Variants in NEK10 observed in about 807,000 individuals in gnomAD.
NEK10 encodes serine/threonine-protein kinase Nek10.
In NEK10, 122 loss-of-function variants were observed where a neutral mutation model predicts 159.8. The ratio of observed to expected loss-of-function variants is 0.76; its 90% CI spans 0.66 to 0.89. The LOEUF (loss-of-function observed/expected upper bound fraction) is 0.89, where lower values mean the gene tolerates loss of function less well. Ranked by LOEUF, NEK10 falls within the 40% of genes least tolerant of loss-of-function variation. NEK10 has a pLI of 0.00. For synonymous variants in NEK10, 466 were observed against 457.1 expected, an observed-to-expected ratio of 1.02 and a Z score of -0.25; for missense variants, 1,342 against 1,323.1, an observed-to-expected ratio of 1.01 and a Z score of -0.22.
At chr3:27,313,717 C>G (rs767524194) in intron 7 of NEK10, among the ~76,000 whole-genome samples, 2 of 152,056 alleles carry the variant, frequency 1.3e-5, no homozygotes, top group African/African-American at 4.8e-5. Context: ...AGCCATCGCC[C>G]CTTTTGTTGT....
chr3:27,307,390 G>A (rs2044325578), intron 11 of NEK10, among the ~76,000 whole-genome samples: 1 of 152,212 alleles, frequency 6.6e-6, no homozygotes, highest in Non-Finnish European at 1.5e-5. Flanking sequence ...TGCAGTTCAA[G>A]TAAAAATGAA....
intron 22 of NEK10, among the ~76,000 whole-genome samples, chr3:27,261,130 T>C (rs1433886987): frequency 6.6e-6 from 1 of 152,180 alleles, no homozygotes; most frequent in African/African-American, 2.4e-5. Flanking sequence ...TTATTAGTCT[T>C]GCTAGCAGTC....
chr3:27,228,616 T>G (rs1952887446), intron 23 of NEK10, among the ~76,000 whole-genome samples: 1 of 152,114 alleles, frequency 6.6e-6, no homozygotes, highest in South Asian at 2.1e-4. Flanking sequence ...AGCAGGTTGT[T>G]TCAGATGAGA....
In NEK10 at chr3:27,276,542, A is replaced by T. The variant is rs534077202; in HGVS notation, c.2014+8060T>A. On this transcript the variant is annotated intron_variant, in intron 22 of 35. Coordinates refer to ENST00000691995, the MANE Select transcript of NEK10 (RefSeq NM_001394966.1). ...AGAAAGGGCTTTGGGTGCCATAAGG[A>T]AACTAAACTTTATCTTAAATATTAT... Among the ~76,000 whole-genome samples the T allele has an allele frequency of 8.5e-5, 13 of 152,308 alleles. No individual in the cohort carries two copies. The South Asian group carries it at 2.7e-3, about 32-fold the overall frequency.
chr3:27,263,273 C>T (rs1430837400), intron 22 of NEK10, among the ~76,000 whole-genome samples: 3 of 152,212 alleles, frequency 2.0e-5, no homozygotes, highest in Non-Finnish European at 4.4e-5. Flanking sequence ...CAGGGACCCA[C>T]TTGAGGAGAC....
chr3:27,268,469 A>G (rs1333749895), intron 22 of NEK10, among the ~76,000 whole-genome samples: 1 of 152,198 alleles, frequency 6.6e-6, no homozygotes, highest in Non-Finnish European at 1.5e-5. Context: ...ATGCTTATTG[A>G]CCATTCTGAA....
At chr3:27,354,566 G>A (rs988555215) in intron 1 of NEK10, among the ~76,000 whole-genome samples, 11 of 152,044 alleles carry the variant, frequency 7.2e-5, no homozygotes, top group Admixed American at 1.3e-4. Context: ...TGAGAAGTTG[G>A]GAATGCTTTA....
At chr3:27,161,649 G>C (rs1174769843) in intron 30 of NEK10, among the ~76,000 whole-genome samples, 2 of 152,100 alleles carry the variant, frequency 1.3e-5, no homozygotes, top group Non-Finnish European at 2.9e-5. Flanking sequence ...GATGGACTTT[G>C]GTCCTCTTTC....
Position 27,205,759 on chromosome 3 carries a change from A to G in NEK10, c.2091-3202T>C, listed in dbSNP as rs866515418. Among the ~76,000 whole-genome samples the G allele has an allele frequency of 2.8e-4, 37 of 134,304 alleles. No homozygotes were observed. The South Asian group carries it at 7.5e-3, about 27-fold the overall frequency. The allele number at this position is 134,304 out of a possible 152,430, so 88.1% of individuals were successfully genotyped here. ...AGACCTAAAACCATAAAAACCCTAG[A>G]AGAAAACCTAGGCATTACCATTCAG... On this transcript the variant is annotated intron_variant, in intron 23 of 35. Coordinates refer to ENST00000691995, the MANE Select transcript of NEK10 (RefSeq NM_001394966.1).
Position 27,297,210 on chromosome 3 carries a change from A to G in NEK10, c.1199T>C (p.Leu400Pro). The G allele has an allele frequency of 6.2e-7, 1 of 1,613,302 alleles. No homozygotes were observed. The highest frequency in any genetic ancestry group is 1.1e-5 in the South Asian group (1 of 91,058). ...CACCTGGTGGGCATTGGTGTCATTG[A>G]GCACCAGCTCAGTGAGGGCAGCACA... ...ACCAALTELV[L>P]NDTNAHQVVQ... Residue 400 changes from leucine to proline, a missense_variant, in exon 14 of 36, where the codon CTC becomes CCC. Coordinates refer to ENST00000691995, the MANE Select transcript of NEK10 (RefSeq NM_001394966.1).
At chr3:27,236,844 CA>C (rs1478784697) in intron 23 of NEK10, among the ~76,000 whole-genome samples, 1 of 152,114 alleles carries the variant, frequency 6.6e-6, no homozygotes, top group Non-Finnish European at 1.5e-5. Flanking sequence ...ACATCTTAAA[CA>C]ACAGAAAACA....
intron 23 of NEK10, among the ~76,000 whole-genome samples, chr3:27,208,348 G>A (rs1256326295): frequency 1.3e-5 from 2 of 152,114 alleles, no homozygotes; most frequent in African/African-American, 2.4e-5. Flanking sequence ...TCCATGCCTT[G>A]ATCTTCTTCT....
intron 32 of NEK10, among the ~76,000 whole-genome samples, chr3:27,125,383 G>A (rs1212329299): frequency 6.6e-6 from 1 of 152,052 alleles, no homozygotes; most frequent in Non-Finnish European, 1.5e-5. Context: ...GAACTCTGAA[G>A]GAAACTGAGC....
At chr3:27,324,137 T>C (rs905525705) in intron 5 of NEK10, among the ~76,000 whole-genome samples, 11 of 152,146 alleles carry the variant, frequency 7.2e-5, no homozygotes, top group South Asian at 4.1e-4. Context: ...CCACATCCCT[T>C]CCTGACCCTG....
intron 5 of NEK10, among the ~76,000 whole-genome samples, chr3:27,342,976 T>C (rs188651664): frequency 1.2e-3 from 184 of 152,320 alleles, no homozygotes; most frequent in African/African-American, 4.0e-3. Context: ...TTTGAATGTG[T>C]AATCGAGAAC....
At chr3:27,162,033 A>C (rs1286682181) in intron 30 of NEK10, among the ~76,000 whole-genome samples, 1 of 152,074 alleles carries the variant, frequency 6.6e-6, no homozygotes, top group Non-Finnish European at 1.5e-5. Flanking sequence ...AAAGAAACAT[A>C]AATAAGTAAA....
At chr3:27,233,423 G>C (rs1953534294) in intron 23 of NEK10, among the ~76,000 whole-genome samples, 1 of 151,744 alleles carries the variant, frequency 6.6e-6, no homozygotes, top group African/African-American at 2.4e-5. Context: ...GTGTGGATGT[G>C]GTGAAAAAGG....
intron 4 of NEK10, among the ~76,000 whole-genome samples, chr3:27,345,159 C>T (rs2047465345): frequency 1.3e-5 from 2 of 152,256 alleles, no homozygotes; most frequent in South Asian, 4.1e-4. Context: ...CATGAACATA[C>T]AACCTCAAAG....
At chr3:27,278,370 C>T (rs949456073) in intron 22 of NEK10, among the ~76,000 whole-genome samples, 7 of 152,178 alleles carry the variant, frequency 4.6e-5, no homozygotes, top group African/African-American at 1.7e-4. Context: ...AAGGTAATTG[C>T]TGAGTGAATA....
Sources: allele counts gnomAD v4.1 joint callset (sites outside exome capture counted in the v4.1 genomes callset), GRCh38; gene constraint gnomAD v4.1.1; transcripts MANE v1.5; gene names NCBI Gene and HGNC (gene_info 2026-07-23, HGNC 2026-07-21).